The following WWOX variants were observed in gnomAD, a reference collection of about 807,000 sequenced individuals.
WWOX encodes the protein WW domain containing oxidoreductase, also known as WW domain-containing oxidoreductase.
Under a neutral mutation model 46.2 loss-of-function variants are expected in WWOX, and 69 were observed. The ratio of observed to expected loss-of-function variants is 1.49; its 90% confidence interval spans 1.23 to 1.82. WWOX has a LOEUF of 1.82. Among genes scored for constraint, WWOX ranks in the 40% most tolerant of loss-of-function variants. The probability of loss-of-function intolerance (pLI) is 0.00; values close to 1 mark genes in which losing one functional copy is unlikely to be tolerated. For synonymous variants in WWOX, 359 were observed against 202.6 expected (o/e 1.77, Z -6.56); for missense variants, 919 against 542.6 (o/e 1.69, Z -6.89).
chr16:78,980,615 G>C (rs1306043759), intron 8 of WWOX, among the ~76,000 whole-genome samples: 3 of 152,144 alleles, frequency 2.0e-5, no homozygotes, highest in African/African-American at 7.2e-5. Flanking sequence ...CTGATGGTAA[G>C]AATGATAATA....
chr16:78,509,790 A>G (rs1445392938), intron 8 of WWOX, among the ~76,000 whole-genome samples: 2 of 152,166 alleles, frequency 1.3e-5, no homozygotes, highest in Admixed American at 6.5e-5. Context: ...AAACCATTAC[A>G]TTATGAATAG....
chr16:78,905,646 G>T (rs11150113), intron 8 of WWOX, among the ~76,000 whole-genome samples: 4 of 151,934 alleles, frequency 2.6e-5, no homozygotes, highest in Non-Finnish European at 5.9e-5. Flanking sequence ...CCCTTCCAAA[G>T]TGCTGGGATT....
chr16:78,940,718 C>T (rs1399648534), intron 8 of WWOX, among the ~76,000 whole-genome samples: 1 of 148,580 alleles, frequency 6.7e-6, no homozygotes, highest in African/African-American at 2.5e-5. Flanking sequence ...AGCATATCTA[C>T]CCAGCGGGGT....
chr16:78,308,895 G>A (rs1163562757), intron 5 of WWOX, among the ~76,000 whole-genome samples: 1 of 152,036 alleles, frequency 6.6e-6, no homozygotes, highest in Non-Finnish European at 1.5e-5. Context: ...CGGTTTGGCC[G>A]CATCGCCACC....
At chr16:79,070,543 C>G (rs998739298) in intron 8 of WWOX, among the ~76,000 whole-genome samples, 12 of 152,102 alleles carry the variant, frequency 7.9e-5, no homozygotes, top group African/African-American at 2.9e-4. Flanking sequence ...CACAGATGAG[C>G]AAAGCTCCTT....
chr16:78,211,228 T>C (rs569994632), intron 5 of WWOX, among the ~76,000 whole-genome samples: 42 of 152,162 alleles, frequency 2.8e-4, no homozygotes, highest in Non-Finnish European at 5.3e-4. Flanking sequence ...GGGTGGGTGT[T>C]ACTTCTCAAG....
At chr16:78,511,721 G>C (rs2085365963) in intron 8 of WWOX, among the ~76,000 whole-genome samples, 1 of 152,122 alleles carries the variant, frequency 6.6e-6, no homozygotes, top group South Asian at 2.1e-4. Context: ...AGATAGTCTG[G>C]GAGAGGCATG....
At chr16:78,335,082 T>A (rs892655513) in intron 5 of WWOX, among the ~76,000 whole-genome samples, 1 of 152,148 alleles carries the variant, frequency 6.6e-6, no homozygotes, top group Non-Finnish European at 1.5e-5. Flanking sequence ...ATTCCACACA[T>A]AATGAATCAG....
At chr16:78,318,498 T>C (rs2080399598) in intron 5 of WWOX, among the ~76,000 whole-genome samples, 1 of 152,152 alleles carries the variant, frequency 6.6e-6, no homozygotes, top group South Asian at 2.1e-4. Context: ...ATTTGGTTCC[T>C]TAACTAAATT....
At chr16:78,345,403 T>G (rs1392183576) in intron 5 of WWOX, among the ~76,000 whole-genome samples, 1 of 93,026 alleles carries the variant, frequency 1.1e-5, no homozygotes, top group African/African-American at 3.7e-5. Flanking sequence ...GGCAGATTAC[T>G]TGAGCCCAGG....
chr16:78,540,411 G>A (rs1438918891), intron 8 of WWOX, among the ~76,000 whole-genome samples: 1 of 152,104 alleles, frequency 6.6e-6, no homozygotes, highest in Non-Finnish European at 1.5e-5. Context: ...TGGTAGTCCA[G>A]CACATTTGCT....
At chr16:78,624,682 A>G (rs986564427) in intron 8 of WWOX, among the ~76,000 whole-genome samples, 1 of 152,216 alleles carries the variant, frequency 6.6e-6, no homozygotes, top group Non-Finnish European at 1.5e-5. Context: ...TATTGCAGCA[A>G]GATTTTTCTC....
chr16:78,411,329 A>G (rs1001534172), intron 6 of WWOX, among the ~76,000 whole-genome samples: 1 of 152,144 alleles, frequency 6.6e-6, no homozygotes, highest in Non-Finnish European at 1.5e-5. Flanking sequence ...GTGTGTTTAT[A>G]TATTGCTAAT....
chr16:78,603,974 A>T (rs530466054), intron 8 of WWOX, among the ~76,000 whole-genome samples: 6 of 152,068 alleles, frequency 3.9e-5, no homozygotes, highest in African/African-American at 1.4e-4. Context: ...AAACCCTTCT[A>T]CTACAAGACA....
chr16:78,934,154 T>G (rs1420883588), intron 8 of WWOX, among the ~76,000 whole-genome samples: 3 of 151,504 alleles, frequency 2.0e-5, no homozygotes, highest in Non-Finnish European at 4.4e-5. Flanking sequence ...GCTAACGTGG[T>G]GAAACCCCGT....
chr16:78,190,733 A>G (rs1219248198), intron 5 of WWOX, among the ~76,000 whole-genome samples: 1 of 152,146 alleles, frequency 6.6e-6, no homozygotes, highest in East Asian at 1.9e-4. Flanking sequence ...CTCATTTTCT[A>G]TGTGGATGTC....
chr16:78,907,388 T>A (rs1034091028), intron 8 of WWOX, among the ~76,000 whole-genome samples: 1 of 152,236 alleles, frequency 6.6e-6, no homozygotes, highest in Non-Finnish European at 1.5e-5. Flanking sequence ...TTGTAACCTC[T>A]GGAATAATGG....
At chr16:78,888,604 G>T (rs1297338432) in intron 8 of WWOX, among the ~76,000 whole-genome samples, 1 of 152,088 alleles carries the variant, frequency 6.6e-6, no homozygotes, top group Non-Finnish European at 1.5e-5. Flanking sequence ...ATTCTAATGA[G>T]GACTTAAATG....
intron 8 of WWOX, among the ~76,000 whole-genome samples, chr16:78,488,388 T>A (rs2084692049): frequency 6.6e-6 from 1 of 152,038 alleles, no homozygotes; most frequent in African/African-American, 2.4e-5. Flanking sequence ...CTCCTGTAAT[T>A]GAATTGTGTA....
Sources: gnomAD v4.1 joint callset for allele counts (sites outside exome capture counted in the v4.1 genomes callset) on GRCh38, gnomAD v4.1.1 for gene constraint, MANE v1.5 for transcripts, NCBI Gene and HGNC (gene_info 2026-07-23, HGNC 2026-07-21) for gene names.